Variants in GLDC observed in about 807,000 individuals in gnomAD.
GLDC encodes the protein glycine dehydrogenase (decarboxylating), mitochondrial.
Under a neutral mutation model 121.3 loss-of-function variants are expected in GLDC, and 104 were observed. The observed-to-expected ratio is 0.86, with a 90% CI of 0.73 to 1.01. The LOEUF (loss-of-function observed/expected upper bound fraction) is 1.01, where lower values mean the gene tolerates loss of function less well. Ranked by LOEUF, GLDC falls within the 50% of genes least tolerant of loss-of-function variation. The probability of loss-of-function intolerance (pLI) is 0.00; values close to 1 mark genes in which losing one functional copy is unlikely to be tolerated. For missense variants in GLDC, 1,429 were observed against 1,306.6 expected, an observed-to-expected ratio of 1.09 and a Z score of -1.44; for synonymous variants, 546 against 480.6, an observed-to-expected ratio of 1.14 and a Z score of -1.78.
At chr9:6,614,773 T>C (rs1483006156) in intron 3 of GLDC, among the ~76,000 whole-genome samples, 1 of 152,184 alleles carries the variant, frequency 6.6e-6, no homozygotes, top group Non-Finnish European at 1.5e-5. Context: ...TTAGTCATTG[T>C]TGTGTGAACC....
rs755699030 is a variant in GLDC at position 6,610,219 on chromosome 9, G to C, written c.608C>G (p.Ala203Gly). The C allele has an allele frequency of 6.2e-7, 1 of 1,613,148 alleles. No individual in the cohort carries two copies. Residue 203 changes from alanine (A) to glycine (G), a missense_variant, in exon 4 of 25, where the codon GCC becomes GGC. Transcript: ENST00000321612. Reference sequence around the variant, plus strand: ...GTAGCACAGCTGCAGTGCCTCTGCGGCTGCAGTCCCCTCATCCAGCAGGGA... The same window carrying C: ...GTAGCACAGCTGCAGTGCCTCTGCGCCTGCAGTCCCCTCATCCAGCAGGGA... ...NASLLDEGTA[A>G]AEALQLCYRH...
At chr9:6,539,030 T>C (rs938273982) in intron 22 of GLDC, among the ~76,000 whole-genome samples, 2 of 151,134 alleles carry the variant, frequency 1.3e-5, no homozygotes, top group Admixed American at 6.6e-5. Flanking sequence ...GTAGTGAAAC[T>C]ATTAAATTTA....
chr9:6,610,168 C>T lies in GLDC; in HGVS notation c.635+24G>A, dbSNP rs1194335399. On this transcript the variant is annotated intron_variant, in intron 4 of 24. Coordinates refer to ENST00000321612, the MANE Select transcript of GLDC (RefSeq NM_000170.3). Reference sequence around the variant, plus strand: ...GGCGAGGTGGCCCACAACTGGAATTCCAGCACTTTGAGAGGCCTCTCACCT... The same window carrying T: ...GGCGAGGTGGCCCACAACTGGAATTTCAGCACTTTGAGAGGCCTCTCACCT... 4 of 1,586,646 alleles carry T rather than the reference C, an allele frequency of 2.5e-6. No homozygotes were observed. The African/African-American group carries it at 5.4e-5, about 21-fold the overall frequency.
At chr9:6,614,527 G>A (rs1401592495) in intron 3 of GLDC, among the ~76,000 whole-genome samples, 1 of 150,576 alleles carries the variant, frequency 6.6e-6, no homozygotes, top group African/African-American at 2.4e-5. Flanking sequence ...GAGCCACCAC[G>A]CCCAGCTGAA....
chr9:6,567,230 T>A (rs1817872096), intron 15 of GLDC: 1 of 152,182 alleles, frequency 6.6e-6, no homozygotes, highest in African/African-American at 2.4e-5. Flanking sequence ...GCTGCAGCTA[T>A]CTCCGCTCTC....
At chr9:6,543,190 G>A (rs538337625) in intron 21 of GLDC, among the ~76,000 whole-genome samples, 5 of 152,004 alleles carry the variant, frequency 3.3e-5, no homozygotes, top group South Asian at 4.2e-4. Flanking sequence ...TGGGAGAATC[G>A]CTTGATCCCA....
intron 2 of GLDC, among the ~76,000 whole-genome samples, chr9:6,628,348 C>A (rs574946367): frequency 6.6e-6 from 1 of 152,332 alleles, no homozygotes; most frequent in South Asian, 2.1e-4. Context: ...CAGAGCAAAG[C>A]TCACAGCAGA....
chr9:6,562,278 G>A (rs1817773254), intron 16 of GLDC, among the ~76,000 whole-genome samples: 1 of 152,160 alleles, frequency 6.6e-6, no homozygotes, highest in South Asian at 2.1e-4. Context: ...AGGAACCTCT[G>A]AAATTTAACC....
chr9:6,606,889 G>A (rs1818745612), intron 4 of GLDC, among the ~76,000 whole-genome samples: 1 of 151,182 alleles, frequency 6.6e-6, no homozygotes. Flanking sequence ...CCTGGCCAAC[G>A]TGATAAAACC....
At position 6,614,462 on chromosome 9, in the gene GLDC, C is replaced by T. The variant is rs369072725; in HGVS notation, c.471-4106G>A. Reference sequence around the variant, plus strand: ...TGTTGGCCAGGCTGGTCTCAAACTCCTGGGCTCAAAGACCCACCCACCTCA... The same window carrying T: ...TGTTGGCCAGGCTGGTCTCAAACTCTTGGGCTCAAAGACCCACCCACCTCA... On this transcript the variant is annotated intron_variant, in intron 3 of 24. Transcript: ENST00000321612. Among the ~76,000 whole-genome samples, 7 of 152,108 alleles carry T rather than the reference C, an allele frequency of 4.6e-5. No homozygotes were observed. The East Asian group carries it at 1.4e-3, about 29-fold the overall frequency.
intron 15 of GLDC, among the ~76,000 whole-genome samples, chr9:6,572,026 A>G (rs1817978887): frequency 6.6e-6 from 1 of 152,248 alleles, no homozygotes. Flanking sequence ...CACAGCTTAT[A>G]TAAAAATCAC....
intron 2 of GLDC, among the ~76,000 whole-genome samples, chr9:6,638,136 T>C (rs1163813492): frequency 6.6e-6 from 1 of 152,174 alleles, no homozygotes; most frequent in Non-Finnish European, 1.5e-5. Context: ...TGCCGAATTA[T>C]GTCTTGCACA....
chr9:6,639,910 A>G (rs1030729181), intron 2 of GLDC, among the ~76,000 whole-genome samples: 3 of 152,094 alleles, frequency 2.0e-5, no homozygotes, highest in African/African-American at 7.2e-5. Flanking sequence ...TTCCCTAACA[A>G]TTGGCCCCAA....
chr9:6,599,273 A>C (rs1818551548), intron 8 of GLDC, among the ~76,000 whole-genome samples: 1 of 152,134 alleles, frequency 6.6e-6, no homozygotes, highest in Non-Finnish European at 1.5e-5. Flanking sequence ...GAGGCAGAAA[A>C]CTGAGGCCCT....
intron 2 of GLDC, among the ~76,000 whole-genome samples, chr9:6,634,196 C>T (rs1280498299): frequency 6.6e-6 from 1 of 151,860 alleles, no homozygotes; most frequent in African/African-American, 2.4e-5. Context: ...CACTGTACTC[C>T]AGCCTGGGCA....
At chr9:6,575,447 A>G (rs1345974856) in intron 15 of GLDC, among the ~76,000 whole-genome samples, 4 of 152,150 alleles carry the variant, frequency 2.6e-5, no homozygotes, top group Non-Finnish European at 1.5e-5. Flanking sequence ...AAAAATGCAA[A>G]TTCTGGGGCC....
At chr9:6,598,773 A>G (rs1457875241) in intron 8 of GLDC, among the ~76,000 whole-genome samples, 1 of 152,272 alleles carries the variant, frequency 6.6e-6, no homozygotes, top group East Asian at 1.9e-4. Context: ...GACAAGCTGG[A>G]GTATGGCCAT....
chr9:6,570,577 G>C (rs1175664198), intron 15 of GLDC, among the ~76,000 whole-genome samples: 2 of 152,158 alleles, frequency 1.3e-5, no homozygotes, highest in Non-Finnish European at 2.9e-5. Flanking sequence ...TTCTTGACCA[G>C]GCATGGTGGC....
Position 6,610,182 on chromosome 9 carries a change from G to C in GLDC, c.635+10C>G. 1 of 1,603,324 alleles carries C rather than the reference G, an allele frequency of 6.2e-7. No homozygotes were observed. Among genetic ancestry groups the C allele is most frequent in the Non-Finnish European group, 8.5e-7 (1 of 1,174,196 alleles). Reference sequence around the variant, plus strand: ...CAACTGGAATTCCAGCACTTTGAGAGGCCTCTCACCTGTAGCACAGCTGCA... The same window carrying C: ...CAACTGGAATTCCAGCACTTTGAGACGCCTCTCACCTGTAGCACAGCTGCA... On this transcript the variant is annotated intron_variant, in intron 4 of 24. Transcript: ENST00000321612.
Sources: allele counts gnomAD v4.1 joint callset (sites outside exome capture counted in the v4.1 genomes callset), GRCh38; gene constraint gnomAD v4.1.1; transcripts MANE v1.5; gene names NCBI Gene and HGNC (gene_info 2026-07-23, HGNC 2026-07-21).